YWHAE: variants seen among roughly 807,000 people sequenced by gnomAD.
The protein encoded by YWHAE is tyrosine 3-monooxygenase/tryptophan 5-monooxygenase activation protein epsilon.
A neutral mutation model predicts 30.1 loss-of-function variants in YWHAE; 4 were observed. The ratio of observed to expected loss-of-function variants is 0.13; its 90% CI spans 0.07 to 0.30. The LOEUF is 0.30. YWHAE is among the 10% of genes least tolerant of loss of function. The pLI is 1.00. For synonymous variants in YWHAE, 118 were observed against 111.8 expected (o/e 1.06, Z -0.35); for missense variants, 121 against 315.9 (o/e 0.38, Z 4.68).
At chr17:1,372,781 T>C (rs892534053) in intron 1 of YWHAE, among the ~76,000 whole-genome samples, 2 of 151,956 alleles carry the variant, frequency 1.3e-5, no homozygotes, top group Non-Finnish European at 2.9e-5. Flanking sequence ...GGTGAGACCC[T>C]ATCTCTACAA....
At chr17:1,384,135 C>T (rs889445994) in intron 1 of YWHAE, among the ~76,000 whole-genome samples, 13 of 152,060 alleles carry the variant, frequency 8.5e-5, no homozygotes, top group African/African-American at 2.9e-4. Flanking sequence ...ACCCAGGAGG[C>T]GAAAGCTGCA....
At chr17:1,391,069 G>C (rs1260231262) in intron 1 of YWHAE, among the ~76,000 whole-genome samples, 3 of 151,576 alleles carry the variant, frequency 2.0e-5, no homozygotes, top group Non-Finnish European at 1.5e-5. Flanking sequence ...CCAACACCTA[G>C]GTCTATTATA....
intron 3 of YWHAE, 76 bp from the exon 4 acceptor site, chr17:1,361,374 T>C (rs1225195961): frequency 8.2e-6 from 10 of 1,223,618 alleles, no homozygotes; most frequent in African/African-American, 6.2e-5. Context: ...TAAGCTAAAA[T>C]TGTTCTATAT....
chr17:1,386,935 C>A (rs1471474460), intron 1 of YWHAE, among the ~76,000 whole-genome samples: 1 of 146,496 alleles, frequency 6.8e-6, no homozygotes, highest in African/African-American at 2.6e-5. Flanking sequence ...GTCTGGGCAA[C>A]AGAGTGAGAC....
At chr17:1,357,294 T>C (rs1598232773) in intron 4 of YWHAE, among the ~76,000 whole-genome samples, 1 of 149,998 alleles carries the variant, frequency 6.7e-6, no homozygotes, top group Non-Finnish European at 1.5e-5. Context: ...TCCCAGCTAC[T>C]CGGGAGGCTG....
At chr17:1,362,730 G>A (rs1345594842) in intron 2 of YWHAE, among the ~76,000 whole-genome samples, 2 of 151,950 alleles carry the variant, frequency 1.3e-5, no homozygotes, top group Admixed American at 6.6e-5. Context: ...GGTCCTCTCC[G>A]TGCCCCTGGA....
chr17:1,353,129 C>T (rs1475221435), intron 5 of YWHAE, among the ~76,000 whole-genome samples: 3 of 152,108 alleles, frequency 2.0e-5, no homozygotes, highest in Non-Finnish European at 4.4e-5. Context: ...GAAGCGTTTG[C>T]AATGAAAACC....
intron 1 of YWHAE, among the ~76,000 whole-genome samples, chr17:1,392,798 C>G (rs4790351): frequency 0.093 from 14,011 of 151,202 alleles, 978 homozygotes; most frequent in Admixed American, 0.23. Context: ...TGCAGTGAGC[C>G]AAGATCACGC....
At chr17:1,353,419 C>A (rs1279615857) in intron 5 of YWHAE, among the ~76,000 whole-genome samples, 1 of 125,224 alleles carries the variant, frequency 8.0e-6, no homozygotes, top group African/African-American at 3.4e-5. Context: ...GCCCGGTCAA[C>A]AGAGCGAGAC....
chr17:1,384,507 C>T (rs542838879), intron 1 of YWHAE, among the ~76,000 whole-genome samples: 64 of 143,098 alleles, frequency 4.5e-4, no homozygotes, highest in Admixed American at 1.0e-3. Flanking sequence ...CTGGCTAACA[C>T]GGTGAAACCC....
At chr17:1,352,371 C>T (rs1252321528) in intron 5 of YWHAE, 2 of 152,136 alleles carry the variant, frequency 1.3e-5, no homozygotes, top group Non-Finnish European at 2.9e-5. Flanking sequence ...TTTGATCCTT[C>T]CAGAGAAAAG....
At chr17:1,382,585 C>T (rs1241083246) in intron 1 of YWHAE, among the ~76,000 whole-genome samples, 1 of 151,456 alleles carries the variant, frequency 6.6e-6, no homozygotes, top group Non-Finnish European at 1.5e-5. Context: ...TGATCTCAAT[C>T]TCCTGACCCT....
chr17:1,366,906 C>A (rs2072953752), intron 1 of YWHAE, among the ~76,000 whole-genome samples: 1 of 151,964 alleles, frequency 6.6e-6, no homozygotes, highest in African/African-American at 2.4e-5. Flanking sequence ...TGCACCACTG[C>A]ATTCCAGCCT....
chr17:1,370,149 A>AAT, intron 1 of YWHAE, among the ~76,000 whole-genome samples: 1 of 98,118 alleles, frequency 1.0e-5, no homozygotes, highest in African/African-American at 4.0e-5. Flanking sequence ...TTTTTTTGAG[A>AAT]CGGAGTCTCG....
chr17:1,354,152 A>G, intron 5 of YWHAE, 59 bp downstream of exon 5: 1 of 1,586,580 alleles, frequency 6.3e-7, no homozygotes, highest in Non-Finnish European at 8.6e-7. Flanking sequence ...ATGTCTAAAG[A>G]GAGTACAAAC....
chr17:1,354,754 T>C (rs1598228404), intron 4 of YWHAE, among the ~76,000 whole-genome samples: 1 of 151,574 alleles, frequency 6.6e-6, no homozygotes, highest in East Asian at 2.0e-4. Context: ...GCTTCGCCTC[T>C]CAGGTTCATG....
rs559270133 is a variant in YWHAE at position 1,347,269 on chromosome 17, C to A, written c.716-1770G>T. 3.3e-5 allele frequency among the ~76,000 whole-genome samples: 5 copies of A among 151,012 alleles called. No homozygotes were observed. The East Asian group carries it at 9.7e-4, about 29-fold the overall frequency. The stretch of plus-strand genomic sequence containing the variant: ...AATGGCGTGAACCCAGGAGGCGGAG[C>A]TTTCAGTGAGCCAAGATTCTGCCGC... On this transcript the variant is annotated intron_variant, in intron 5 of 5. Coordinates refer to ENST00000264335, the MANE Select transcript of YWHAE (RefSeq NM_006761.5).
At chr17:1,394,440 A>C (rs1275742436) in intron 1 of YWHAE, among the ~76,000 whole-genome samples, 1 of 57,582 alleles carries the variant, frequency 1.7e-5, no homozygotes, top group Non-Finnish European at 3.8e-5. Flanking sequence ...AATCCACAAA[A>C]AAAAAAAAAA....
intron 5 of YWHAE, among the ~76,000 whole-genome samples, chr17:1,347,131 T>A (rs1229300070): frequency 7.2e-6 from 1 of 139,134 alleles, no homozygotes; most frequent in Non-Finnish European, 1.5e-5. Flanking sequence ...ATCGAGACCA[T>A]CCTGGCTAAC....
Sources: allele counts gnomAD v4.1 joint callset (sites outside exome capture counted in the v4.1 genomes callset), GRCh38; gene constraint gnomAD v4.1.1; transcripts MANE v1.5; gene names NCBI Gene and HGNC (gene_info 2026-07-23, HGNC 2026-07-21).